The following SMAD3 variants were observed in gnomAD, a reference collection of about 807,000 sequenced individuals.
SMAD3 encodes the protein SMAD family member 3, also known as MAD homolog 3.
In SMAD3, 12 loss-of-function variants were observed where a neutral mutation model predicts 51.8. That is an observed-to-expected ratio of 0.23 (90% CI 0.15 to 0.38). SMAD3 has a LOEUF of 0.38. Ranked by LOEUF, SMAD3 falls within the 10% of genes least tolerant of loss-of-function variation. SMAD3 has a pLI of 1.00. For missense variants in SMAD3, 294 were observed against 565.6 expected (o/e 0.52, Z 4.87); for synonymous variants, 238 against 227.7 (o/e 1.05, Z -0.41).
intron 1 of SMAD3, among the ~76,000 whole-genome samples, chr15:67,097,265 G>T (rs1328917399): frequency 6.6e-6 from 1 of 152,020 alleles, no homozygotes; most frequent in Non-Finnish European, 1.5e-5. Context: ...ACTCAGGCTG[G>T]AAGGCAGTGG....
chr15:67,161,426 C>T (rs919756217), intron 1 of SMAD3, among the ~76,000 whole-genome samples: 1 of 152,212 alleles, frequency 6.6e-6, no homozygotes, highest in Non-Finnish European at 1.5e-5. Flanking sequence ...CTAGATGGAG[C>T]TTACCTCCAC....
At chr15:67,155,145 G>A (rs1962249175) in intron 1 of SMAD3, among the ~76,000 whole-genome samples, 1 of 152,230 alleles carries the variant, frequency 6.6e-6, no homozygotes, top group South Asian at 2.1e-4. Context: ...AGCTGTCACA[G>A]TTCTCCAAAG....
chr15:67,154,755 C>A (rs1962237840), intron 1 of SMAD3, among the ~76,000 whole-genome samples: 1 of 152,094 alleles, frequency 6.6e-6, no homozygotes, highest in Non-Finnish European at 1.5e-5. Flanking sequence ...TACTACTAAT[C>A]GTAATATAAT....
chr15:67,068,088 A>G (rs908971112), intron 1 of SMAD3, among the ~76,000 whole-genome samples: 5 of 152,200 alleles, frequency 3.3e-5, no homozygotes, highest in African/African-American at 9.7e-5. Context: ...GCACTTTCAC[A>G]TGGTTTTCTG....
chr15:67,084,317 G>A (rs1960344452), intron 1 of SMAD3, among the ~76,000 whole-genome samples: 1 of 151,318 alleles, frequency 6.6e-6, no homozygotes, highest in African/African-American at 2.4e-5. Context: ...TCCTGACCTC[G>A]TGATCTGCCT....
At chr15:67,075,643 G>A (rs1190722706) in intron 1 of SMAD3, among the ~76,000 whole-genome samples, 1 of 152,290 alleles carries the variant, frequency 6.6e-6, no homozygotes, top group South Asian at 2.1e-4. Context: ...GGCCGGGCAC[G>A]GTGGCTCATG....
intron 1 of SMAD3, among the ~76,000 whole-genome samples, chr15:67,128,620 G>C (rs1412449146): frequency 6.6e-6 from 1 of 152,072 alleles, no homozygotes; most frequent in African/African-American, 2.4e-5. Context: ...CGCCCAGGCT[G>C]GAGTGCAGTG....
intron 1 of SMAD3, among the ~76,000 whole-genome samples, chr15:67,084,543 A>T (rs1346656261): frequency 6.6e-6 from 1 of 152,128 alleles, no homozygotes; most frequent in Non-Finnish European, 1.5e-5. Context: ...TTGTATTATC[A>T]TTGTTGTTTA....
chr15:67,121,633 CA>C (rs1429321339), intron 1 of SMAD3, among the ~76,000 whole-genome samples: 1 of 152,126 alleles, frequency 6.6e-6, no homozygotes, highest in African/African-American at 2.4e-5. Context: ...GTGAAGAAAA[CA>C]AAACAGACCT....
At chr15:67,127,180 C>T (rs563732955) in intron 1 of SMAD3, among the ~76,000 whole-genome samples, 9 of 152,302 alleles carry the variant, frequency 5.9e-5, no homozygotes, top group East Asian at 1.9e-4. Flanking sequence ...AAGCCGAGGT[C>T]GCTCCCCAGG....
chr15:67,184,686 G>T, intron 6 of SMAD3, 41 bp from the exon 7 acceptor site: 1 of 1,612,908 alleles, frequency 6.2e-7, no homozygotes, highest in Non-Finnish European at 8.5e-7. Flanking sequence ...CATTGTGTGT[G>T]AGCAAAGGCA....
chr15:67,183,014 TATATA>T lies in SMAD3; in HGVS notation c.871+1562_871+1566del, dbSNP rs1567000717. Among the ~76,000 whole-genome samples, 2 of 74,196 alleles carry T rather than the reference TATATA, an allele frequency of 2.7e-5. 1 individual carries two copies. The highest frequency in any genetic ancestry group is 1.3e-4 in the African/African-American group (2 of 15,488). 48.7% of individuals were successfully genotyped at this position (74,196 alleles called of 152,430 possible). A position where few individuals can be genotyped will look rare whatever the true frequency, so the allele number is the denominator to read the frequency against. On this transcript the variant is annotated intron_variant, in intron 6 of 8. Coordinates refer to ENST00000327367, the MANE Select transcript of SMAD3 (RefSeq NM_005902.4). ...AAAAAAAAAAAAATATATATATATA[TATATA>T]TATATATATATATTTTTTTTTTTTT... is the stretch of plus-strand genomic sequence containing the variant.
chr15:67,066,872 G>A (rs928042699), intron 1 of SMAD3, among the ~76,000 whole-genome samples: 9 of 152,246 alleles, frequency 5.9e-5, no homozygotes, highest in African/African-American at 2.2e-4. Flanking sequence ...TGAGGAGCGG[G>A]AGCCTAGTGA....
chr15:67,117,766 T>C (rs1314514228), intron 1 of SMAD3, among the ~76,000 whole-genome samples: 1 of 152,178 alleles, frequency 6.6e-6, no homozygotes, highest in Non-Finnish European at 1.5e-5. Flanking sequence ...ACTAAGCACA[T>C]GTAATGAGAA....
chr15:67,115,227 A>G (rs1441080474), intron 1 of SMAD3, among the ~76,000 whole-genome samples: 1 of 150,876 alleles, frequency 6.6e-6, no homozygotes, highest in African/African-American at 2.4e-5. Flanking sequence ...GCTTCATTAC[A>G]AAGATGATGA....
chr15:67,188,151 T>TTC (rs1188987878), intron 8 of SMAD3, among the ~76,000 whole-genome samples: 2 of 139,460 alleles, frequency 1.4e-5, no homozygotes, highest in Admixed American at 7.1e-5. Context: ...TCTTTTTCTT[T>TTC]TTTTTTTTTT....
chr15:67,140,683 C>T (rs947544434), intron 1 of SMAD3, among the ~76,000 whole-genome samples: 2 of 152,170 alleles, frequency 1.3e-5, no homozygotes, highest in African/African-American at 4.8e-5. Flanking sequence ...CCTGAACAAA[C>T]GGGGGTTTGT....
intron 1 of SMAD3, among the ~76,000 whole-genome samples, chr15:67,146,478 G>A (rs1413986627): frequency 6.6e-6 from 1 of 152,220 alleles, no homozygotes; most frequent in African/African-American, 2.4e-5. Flanking sequence ...AGCGGGTAGT[G>A]TGGAGGCTGG....
Position 67,193,985 on chromosome 15 carries a change from GT to G in SMAD3, c.*3451del, listed in dbSNP as rs1963435831. 1 of 233,134 alleles carries G rather than the reference GT, an allele frequency of 4.3e-6. No individual in the cohort carries two copies. The highest frequency in any genetic ancestry group is 5.6e-5 in the Admixed American group (1 of 17,780). The allele number at this position is 233,134 out of a possible 1,614,324, so 14.4% of individuals were successfully genotyped here. A position where few individuals can be genotyped will look rare whatever the true frequency, so the allele number is the denominator to read the frequency against. ...GGGTCTCCACAGGGCCGGAGCTCAG[GT>G]TACACCACTCCTTCGTCCTTACAGG... On this transcript the variant is annotated 3_prime_UTR_variant, in exon 9 of 9. Transcript: ENST00000327367.
Sources: gnomAD v4.1 joint callset for allele counts (sites outside exome capture counted in the v4.1 genomes callset) on GRCh38, gnomAD v4.1.1 for gene constraint, MANE v1.5 for transcripts, NCBI Gene and HGNC (gene_info 2026-07-23, HGNC 2026-07-21) for gene names.